CDYL2: variants seen among roughly 807,000 people sequenced by gnomAD.
The protein encoded by CDYL2 is chromodomain Y-like protein 2.
In CDYL2, 23 loss-of-function variants were observed where a neutral mutation model predicts 49.4. The observed-to-expected ratio is 0.47, with a 90% CI of 0.34 to 0.66. CDYL2 has a LOEUF of 0.66. CDYL2 is among the 30% of genes least tolerant of loss of function. CDYL2 has a pLI of 0.01. For missense variants in CDYL2, 678 were observed against 656.4 expected (o/e 1.03, Z -0.36); for synonymous variants, 360 against 268.8 (o/e 1.34, Z -3.32).
rs188498398 is a variant in CDYL2 at position 80,682,673 on chromosome 16, C to A, written c.616+1865G>T. The stretch of plus-strand genomic sequence containing the variant: ...CTGCTAACAGCTGGAATGCAGGGAA[C>A]CCCGCCAGAGCCTTGCCCCTGCACC... On this transcript the variant is annotated intron_variant, in intron 2 of 6. Transcript: ENST00000570137. 3.7e-3 allele frequency among the ~76,000 whole-genome samples: 556 copies of A among 152,312 alleles called. 4 individuals are homozygous for A. Among genetic ancestry groups the A allele is most frequent in the African/African-American group, 0.013 (537 of 41,570 alleles).
At chr16:80,705,817 G>C (rs1478014824) in intron 1 of CDYL2, among the ~76,000 whole-genome samples, 3 of 152,252 alleles carry the variant, frequency 2.0e-5, no homozygotes, top group African/African-American at 7.2e-5. Context: ...AAAACAAATG[G>C]TGGGCCAGAT....
At chr16:80,695,453 A>C (rs188828864) in intron 1 of CDYL2, among the ~76,000 whole-genome samples, 1 of 152,350 alleles carries the variant, frequency 6.6e-6, no homozygotes, top group East Asian at 1.9e-4. Flanking sequence ...AAAGATAAAG[A>C]ATGACTGAAT....
At chr16:80,787,103 T>C (rs1208754504) in intron 1 of CDYL2, among the ~76,000 whole-genome samples, 1 of 151,642 alleles carries the variant, frequency 6.6e-6, no homozygotes, top group Non-Finnish European at 1.5e-5. Flanking sequence ...GAAAGTGACA[T>C]GCTCAGAATT....
At chr16:80,746,818 GT>G in intron 1 of CDYL2, among the ~76,000 whole-genome samples, 1 of 152,124 alleles carries the variant, frequency 6.6e-6, no homozygotes, top group Non-Finnish European at 1.5e-5. Context: ...ACCCATTATT[GT>G]TGGCTGAGCT....
intron 2 of CDYL2, among the ~76,000 whole-genome samples, chr16:80,633,795 C>T (rs1299066494): frequency 1.3e-5 from 2 of 152,214 alleles, no homozygotes; most frequent in Non-Finnish European, 2.9e-5. Context: ...AGGTCTCTCT[C>T]TTCCTCTCGC....
intron 1 of CDYL2, among the ~76,000 whole-genome samples, chr16:80,697,485 G>C (rs923348657): frequency 6.6e-6 from 1 of 151,988 alleles, no homozygotes; most frequent in African/African-American, 2.4e-5. Flanking sequence ...AGGAAAAGTT[G>C]GAAGCTTTTC....
intron 1 of CDYL2, among the ~76,000 whole-genome samples, chr16:80,786,789 A>G (rs1271328543): frequency 6.6e-6 from 1 of 152,188 alleles, no homozygotes; most frequent in Admixed American, 6.5e-5. Flanking sequence ...GTGAAGCCGG[A>G]AACCATCATT....
At chr16:80,624,240 G>C (rs987857035) in intron 3 of CDYL2, among the ~76,000 whole-genome samples, 1 of 152,112 alleles carries the variant, frequency 6.6e-6, no homozygotes, top group Non-Finnish European at 1.5e-5. Flanking sequence ...CCACAAACAG[G>C]CTCAGCCCTT....
chr16:80,614,463 T>C (rs983656370), intron 4 of CDYL2, among the ~76,000 whole-genome samples: 1 of 152,238 alleles, frequency 6.6e-6, no homozygotes. Flanking sequence ...GAGTCACCAA[T>C]GGGAAGACAG....
chr16:80,661,344 A>G (rs1046551229), intron 2 of CDYL2, among the ~76,000 whole-genome samples: 1 of 152,168 alleles, frequency 6.6e-6, no homozygotes, highest in Non-Finnish European at 1.5e-5. Flanking sequence ...TGCCCCCACA[A>G]CAGTGTGAAA....
chr16:80,626,715 C>G (rs1353727842), intron 3 of CDYL2, among the ~76,000 whole-genome samples: 1 of 152,164 alleles, frequency 6.6e-6, no homozygotes, highest in Non-Finnish European at 1.5e-5. Context: ...TCCAAAGGAT[C>G]ACTATTAAAG....
At chr16:80,693,578 C>T (rs1426413945) in intron 1 of CDYL2, among the ~76,000 whole-genome samples, 2 of 152,084 alleles carry the variant, frequency 1.3e-5, no homozygotes, top group Admixed American at 1.3e-4. Flanking sequence ...GAAGTTCATC[C>T]GTATAACAGA....
intron 1 of CDYL2, among the ~76,000 whole-genome samples, chr16:80,688,795 C>T (rs1289050582): frequency 1.3e-5 from 2 of 152,188 alleles, no homozygotes; most frequent in Admixed American, 6.5e-5. Context: ...AAGCCCAAGT[C>T]GTTTAGGACT....
chr16:80,721,655 T>G (rs112533878), intron 1 of CDYL2, among the ~76,000 whole-genome samples: 2 of 152,306 alleles, frequency 1.3e-5, no homozygotes, highest in African/African-American at 2.4e-5. Context: ...ATATGCACAG[T>G]TTCCCATTTT....
intron 4 of CDYL2, among the ~76,000 whole-genome samples, chr16:80,620,043 A>AT (rs1428257734): frequency 1.3e-5 from 2 of 152,204 alleles, no homozygotes; most frequent in African/African-American, 4.8e-5. Flanking sequence ...GACTTGTCTG[A>AT]TTCCTAAGCA....
chr16:80,741,938 G>T (rs1169581189), intron 1 of CDYL2, among the ~76,000 whole-genome samples: 1 of 152,212 alleles, frequency 6.6e-6, no homozygotes, highest in Non-Finnish European at 1.5e-5. Context: ...TCAGAAAACA[G>T]CCTAAGGAAA....
intron 1 of CDYL2, among the ~76,000 whole-genome samples, chr16:80,701,437 T>A (rs1460138131): frequency 1.3e-5 from 2 of 152,246 alleles, no homozygotes; most frequent in Non-Finnish European, 2.9e-5. Flanking sequence ...TTACATAGTA[T>A]CTATTCCATT....
intron 1 of CDYL2, among the ~76,000 whole-genome samples, chr16:80,730,472 C>A (rs988614800): frequency 1.3e-5 from 2 of 152,016 alleles, no homozygotes; most frequent in Admixed American, 6.5e-5. Flanking sequence ...AGCTTGCCAA[C>A]CAAAAAGAGT....
At chr16:80,686,385 T>C (rs1023596308) in intron 1 of CDYL2, among the ~76,000 whole-genome samples, 12 of 152,332 alleles carry the variant, frequency 7.9e-5, no homozygotes, top group Middle Eastern at 3.4e-3. Context: ...ATGCTAAATT[T>C]CAATGAAAAA....
Sources: allele counts gnomAD v4.1 joint callset (sites outside exome capture counted in the v4.1 genomes callset), GRCh38; gene constraint gnomAD v4.1.1; transcripts MANE v1.5; gene names NCBI Gene and HGNC (gene_info 2026-07-23, HGNC 2026-07-21).